Variants in GLDC observed in about 807,000 individuals in gnomAD.
GLDC encodes the protein glycine dehydrogenase (decarboxylating), mitochondrial.
A neutral mutation model predicts 121.3 loss-of-function variants in GLDC; 104 were observed. That is an observed-to-expected ratio of 0.86 (90% CI 0.73 to 1.01). The LOEUF is 1.01. Among genes scored for constraint, GLDC ranks in the 50% least tolerant of loss-of-function variants. The pLI is 0.00. For synonymous variants in GLDC, 546 were observed against 480.6 expected (o/e 1.14, Z -1.78); for missense variants, 1,429 against 1,306.6 (o/e 1.09, Z -1.44).
chr9:6,616,850 T>C (rs1818975648), intron 3 of GLDC, among the ~76,000 whole-genome samples: 1 of 152,192 alleles, frequency 6.6e-6, no homozygotes. Flanking sequence ...TCTTTTGGAA[T>C]TGGGAAAGGG....
At chr9:6,569,022 GAAC>G (rs1031042497) in intron 15 of GLDC, 1 of 152,136 alleles carries the variant, frequency 6.6e-6, no homozygotes, top group African/African-American at 2.4e-5. Context: ...AGAAAAAGTA[GAAC>G]AACTGAATAA....
At chr9:6,625,353 G>C (rs1237110773) in intron 2 of GLDC, among the ~76,000 whole-genome samples, 1 of 152,200 alleles carries the variant, frequency 6.6e-6, no homozygotes, top group Non-Finnish European at 1.5e-5. Context: ...GCACGGCTGA[G>C]AGAACCAACT....
intron 18 of GLDC, 189 bp from the exon 19 acceptor site, chr9:6,554,970 C>A: frequency 1.5e-6 from 1 of 654,370 alleles, no homozygotes; most frequent in Non-Finnish European, 2.8e-6. Context: ...ATCCGATAGG[C>A]AGAGTGCTTG....
chr9:6,614,299 A>C (rs1818925237), intron 3 of GLDC, among the ~76,000 whole-genome samples: 1 of 152,160 alleles, frequency 6.6e-6, no homozygotes, highest in East Asian at 1.9e-4. Flanking sequence ...CAGTGGCCTG[A>C]TCTTGGCTCG....
chr9:6,549,905 G>A (rs1173149555), intron 21 of GLDC, among the ~76,000 whole-genome samples: 1 of 152,110 alleles, frequency 6.6e-6, no homozygotes, highest in African/African-American at 2.4e-5. Flanking sequence ...AACCTTTAAT[G>A]GCTATTGTCC....
chr9:6,549,556 C>CGTTT (rs1439898955), intron 21 of GLDC, among the ~76,000 whole-genome samples: 1 of 152,140 alleles, frequency 6.6e-6, no homozygotes, highest in African/African-American at 2.4e-5. Context: ...CTACTTGAGG[C>CGTTT]GTTTTGTTCT....
At position 6,561,401 on chromosome 9, in the gene GLDC, C is replaced by T. The variant is rs60117134; in HGVS notation, c.1927-2717G>A. Among the ~76,000 whole-genome samples the T allele has an allele frequency of 1.6e-3, 244 of 152,296 alleles. 8 individuals are homozygous for T. In the East Asian group the frequency reaches 0.046, roughly 29 times the overall value. ...AGGTTGCTCATGTCTGTAATCCCAGCACTTTGGGAGGCTGAGGCAGGCGGT... is the reference window on the plus strand; with the variant it reads ...AGGTTGCTCATGTCTGTAATCCCAGTACTTTGGGAGGCTGAGGCAGGCGGT... On this transcript the variant is annotated intron_variant, in intron 16 of 24. Coordinates refer to ENST00000321612, the MANE Select transcript of GLDC (RefSeq NM_000170.3).
intron 7 of GLDC, 105 bp downstream of exon 7, chr9:6,604,483 C>CTCA: frequency 9.6e-7 from 1 of 1,045,866 alleles, no homozygotes; most frequent in South Asian, 1.3e-5. Flanking sequence ...CCTTAACTGA[C>CTCA]TCAACATGGC....
chr9:6,596,602 T>C (rs1818498155), intron 8 of GLDC, among the ~76,000 whole-genome samples: 1 of 151,976 alleles, frequency 6.6e-6, no homozygotes, highest in Non-Finnish European at 1.5e-5. Context: ...ATAACAATAA[T>C]ACAATTAAGG....
intron 2 of GLDC, among the ~76,000 whole-genome samples, chr9:6,625,484 C>G (rs1819216106): frequency 6.6e-6 from 1 of 152,156 alleles, no homozygotes; most frequent in Non-Finnish European, 1.5e-5. Flanking sequence ...ACCAACAGTC[C>G]TCATAGTAAG....
intron 2 of GLDC, among the ~76,000 whole-genome samples, chr9:6,623,893 G>A (rs532164907): frequency 2.0e-5 from 3 of 152,234 alleles, no homozygotes; most frequent in Non-Finnish European, 4.4e-5. Context: ...CGCCCAGTAG[G>A]AGGAAAGATT....
intron 2 of GLDC, among the ~76,000 whole-genome samples, chr9:6,633,151 A>G (rs1378088783): frequency 6.6e-6 from 1 of 152,194 alleles, no homozygotes; most frequent in African/African-American, 2.4e-5. Flanking sequence ...GTCTTTATGC[A>G]GACTTTCTTC....
rs1396115846 is a variant in GLDC at position 6,626,997 on chromosome 9, TA to T, written c.335-6679del. The stretch of plus-strand genomic sequence containing the variant: ...ACTTTAATTAAATACCTGAAATTTT[TA>T]AAAGGCAAACTAGTGGGCCGGGCGT... On this transcript the variant is annotated intron_variant, in intron 2 of 24. Coordinates refer to ENST00000321612, the MANE Select transcript of GLDC (RefSeq NM_000170.3). Among the ~76,000 whole-genome samples, 4 of 152,184 alleles carry T rather than the reference TA, an allele frequency of 2.6e-5. 1 individual carries two copies. Among genetic ancestry groups the T allele is most frequent in the Admixed American group, 2.6e-4 (4 of 15,276 alleles).
chr9:6,591,424 A>G (rs540343903), intron 11 of GLDC, among the ~76,000 whole-genome samples: 7 of 152,324 alleles, frequency 4.6e-5, no homozygotes, highest in South Asian at 4.1e-4. Flanking sequence ...CAGGAGGACA[A>G]GAAGCATGTC....
At chr9:6,618,805 G>C (rs1048974876) in intron 3 of GLDC, among the ~76,000 whole-genome samples, 3 of 152,070 alleles carry the variant, frequency 2.0e-5, no homozygotes, top group Admixed American at 2.0e-4. Flanking sequence ...GACCAGAGTG[G>C]ACAGGAGACA....
chr9:6,605,437 C>G (rs542318550), intron 5 of GLDC, 159 bp from the exon 6 acceptor site: 5 of 705,920 alleles, frequency 7.1e-6, no homozygotes, highest in South Asian at 6.2e-5. Flanking sequence ...TCAGTGGTAA[C>G]TACATCACAG....
At chr9:6,561,729 T>C (rs946825260) in intron 16 of GLDC, among the ~76,000 whole-genome samples, 5 of 152,166 alleles carry the variant, frequency 3.3e-5, no homozygotes, top group African/African-American at 1.2e-4. Flanking sequence ...CCAAAGCAAA[T>C]CCAGCATTTG....
intron 3 of GLDC, among the ~76,000 whole-genome samples, chr9:6,617,978 G>C (rs1345942629): frequency 1.3e-5 from 2 of 152,154 alleles, no homozygotes; most frequent in East Asian, 1.9e-4. Flanking sequence ...CCCCTTGCTA[G>C]GAATACTTTG....
At chr9:6,640,899 C>G (rs1169211884) in intron 2 of GLDC, among the ~76,000 whole-genome samples, 4 of 152,204 alleles carry the variant, frequency 2.6e-5, no homozygotes, top group Non-Finnish European at 4.4e-5. Flanking sequence ...GCTAAAACCA[C>G]TAATAAGGGC....
Sources: gnomAD v4.1 joint callset for allele counts (sites outside exome capture counted in the v4.1 genomes callset) on GRCh38, gnomAD v4.1.1 for gene constraint, MANE v1.5 for transcripts, NCBI Gene and HGNC (gene_info 2026-07-23, HGNC 2026-07-21) for gene names.